Variants in HTR4 observed in about 807,000 individuals in gnomAD.
The protein encoded by HTR4 is 5-hydroxytryptamine (serotonin) receptor 4, G protein-coupled.
A neutral mutation model predicts 36.8 loss-of-function variants in HTR4; 16 were observed. That is an observed-to-expected ratio of 0.43 (90% CI 0.29 to 0.66). The LOEUF (loss-of-function observed/expected upper bound fraction) is 0.66, where lower values mean the gene tolerates loss of function less well. Among genes scored for constraint, HTR4 ranks in the 30% least tolerant of loss-of-function variants. The pLI is 0.13. For missense variants in HTR4, 438 were observed against 490.9 expected (o/e 0.89, Z 1.02); for synonymous variants, 189 against 185.1 (o/e 1.02, Z -0.17).
At chr5:148,643,815 C>T (rs1042574395) in intron 1 of HTR4, among the ~76,000 whole-genome samples, 3 of 152,154 alleles carry the variant, frequency 2.0e-5, no homozygotes, top group Admixed American at 6.5e-5. Flanking sequence ...AATTATTGAT[C>T]TATGTGCCTT....
chr5:148,614,574 A>T (rs1409774837), intron 2 of HTR4, among the ~76,000 whole-genome samples: 4 of 152,230 alleles, frequency 2.6e-5, no homozygotes, highest in Non-Finnish European at 5.9e-5. Context: ...AAACCATAAA[A>T]ACCCTAGAAG....
intron 4 of HTR4, among the ~76,000 whole-genome samples, chr5:148,531,330 G>A (rs1395211693): frequency 6.6e-6 from 1 of 151,990 alleles, no homozygotes; most frequent in Non-Finnish European, 1.5e-5. Flanking sequence ...TCATGGGGTG[G>A]GTGTTCCCCA....
intron 2 of HTR4, among the ~76,000 whole-genome samples, chr5:148,603,258 C>T (rs1412190380): frequency 6.6e-6 from 1 of 151,858 alleles, no homozygotes; most frequent in Non-Finnish European, 1.5e-5. Flanking sequence ...TAAATCAATG[C>T]AATTCTCCAT....
chr5:148,492,581 A>G (rs545920300), intron 6 of HTR4, among the ~76,000 whole-genome samples: 2 of 152,342 alleles, frequency 1.3e-5, no homozygotes, highest in East Asian at 3.9e-4. Context: ...TTTTACCAAG[A>G]TATGAATGAT....
chr5:148,648,538 A>G (rs1308763739), intron 1 of HTR4, among the ~76,000 whole-genome samples: 2 of 152,232 alleles, frequency 1.3e-5, no homozygotes, highest in Non-Finnish European at 2.9e-5. Flanking sequence ...TACAAGCCAC[A>G]GTATGTGATT....
intron 5 of HTR4, among the ~76,000 whole-genome samples, chr5:148,460,780 G>A (rs1165653857): frequency 6.6e-6 from 1 of 152,072 alleles, no homozygotes; most frequent in African/African-American, 2.4e-5. Flanking sequence ...TGCTCAGGTA[G>A]ATAACAGATT....
At chr5:148,473,630 G>T (rs1464799725), downstream of HTR4, among the ~76,000 whole-genome samples, 1 of 152,076 alleles carries the variant, frequency 6.6e-6, no homozygotes, top group Non-Finnish European at 1.5e-5. Flanking sequence ...ATCACTATCG[G>T]TGTTTGTTCA....
rs1268963846 is a variant in HTR4 at position 148,451,032 on chromosome 5, C to A, written c.*153G>T. On this transcript the variant is annotated 3_prime_UTR_variant, in exon 6 of 6. Transcript: ENST00000521530. ...TCAAGGCTCTGGCCTCAGCTACCCC[C>A]CAACACTGTCCTCCATGTACCTCCT... is the stretch of plus-strand genomic sequence containing the variant. The A allele has an allele frequency of 2.3e-6, 3 of 1,332,556 alleles. No individual in the cohort carries two copies. The South Asian group carries it at 4.2e-5, about 19-fold the overall frequency. 82.5% of individuals were successfully genotyped at this position (1,332,556 alleles called of 1,614,324 possible).
At chr5:148,588,472 A>G (rs1415227614) in intron 2 of HTR4, among the ~76,000 whole-genome samples, 1 of 151,758 alleles carries the variant, frequency 6.6e-6, no homozygotes, top group Non-Finnish European at 1.5e-5. Flanking sequence ...CCCTCTCCCC[A>G]GAAGTTATCA....
intron 2 of HTR4, among the ~76,000 whole-genome samples, chr5:148,562,388 G>T (rs936892086): frequency 6.6e-6 from 1 of 152,302 alleles, no homozygotes; most frequent in East Asian, 1.9e-4. Flanking sequence ...TTTACTGGGA[G>T]TCATTCATTC....
chr5:148,534,587 T>A (rs919745274), intron 4 of HTR4, among the ~76,000 whole-genome samples: 7 of 152,224 alleles, frequency 4.6e-5, no homozygotes, highest in African/African-American at 1.7e-4. Context: ...CTTGCTACCC[T>A]TGGACTAATG....
chr5:148,507,715 A>G (rs1016649324), intron 6 of HTR4, among the ~76,000 whole-genome samples: 5 of 152,098 alleles, frequency 3.3e-5, no homozygotes, highest in Non-Finnish European at 7.4e-5. Flanking sequence ...TATTTAGTAA[A>G]ATAGGCTTTC....
At chr5:148,614,994 C>T (rs1210579515) in intron 2 of HTR4, among the ~76,000 whole-genome samples, 5 of 152,094 alleles carry the variant, frequency 3.3e-5, no homozygotes, top group African/African-American at 1.2e-4. Context: ...CCATCTCACA[C>T]CAGTTAGAAT....
At chr5:148,564,647 C>T (rs994189130) in intron 2 of HTR4, among the ~76,000 whole-genome samples, 8 of 152,170 alleles carry the variant, frequency 5.3e-5, no homozygotes, top group African/African-American at 1.9e-4. Flanking sequence ...GGCCACCAAT[C>T]CTCGCTTTGA....
At chr5:148,652,230 T>C (rs771311020) in intron 1 of HTR4, among the ~76,000 whole-genome samples, 3 of 151,968 alleles carry the variant, frequency 2.0e-5, no homozygotes, top group Non-Finnish European at 2.9e-5. Context: ...AAAAACAAAA[T>C]AGATTTAAGA....
intron 1 of HTR4, among the ~76,000 whole-genome samples, chr5:148,639,133 T>C (rs1219875560): frequency 6.6e-6 from 1 of 152,108 alleles, no homozygotes; most frequent in African/African-American, 2.4e-5. Flanking sequence ...GGACCCAGCA[T>C]CTGGGTCCAA....
chr5:148,614,419 C>T (rs1051445784), intron 2 of HTR4, among the ~76,000 whole-genome samples: 1 of 152,136 alleles, frequency 6.6e-6, no homozygotes, highest in African/African-American at 2.4e-5. Context: ...TTGAGAAAAA[C>T]AAGCAATGGG....
At chr5:148,542,682 CA>C (rs1303570964) in intron 4 of HTR4, among the ~76,000 whole-genome samples, 6 of 151,830 alleles carry the variant, frequency 4.0e-5, no homozygotes, top group Non-Finnish European at 8.8e-5. Context: ...AAGTAAAGGA[CA>C]AAGTACAGCA....
chr5:148,460,940 TAAATG>T (rs1213489113), intron 5 of HTR4, among the ~76,000 whole-genome samples: 6 of 152,100 alleles, frequency 3.9e-5, no homozygotes, highest in Non-Finnish European at 8.8e-5. Flanking sequence ...TGTTTATGTG[TAAATG>T]AAATGAATGA....
Sources: allele counts gnomAD v4.1 joint callset (sites outside exome capture counted in the v4.1 genomes callset), GRCh38; gene constraint gnomAD v4.1.1; transcripts MANE v1.5; gene names NCBI Gene and HGNC (gene_info 2026-07-23, HGNC 2026-07-21).